Variants in KATNAL1 observed in about 807,000 individuals in gnomAD.
KATNAL1 encodes the protein katanin p60 ATPase-containing subunit A-like 1.
Under a neutral mutation model 55.2 loss-of-function variants are expected in KATNAL1, and 32 were observed. That is an observed-to-expected ratio of 0.58 (90% CI 0.44 to 0.78). The LOEUF (loss-of-function observed/expected upper bound fraction) is 0.78, where lower values mean the gene tolerates loss of function less well. Among genes scored for constraint, KATNAL1 ranks in the 30% least tolerant of loss-of-function variants. KATNAL1 has a pLI of 0.00. For synonymous variants in KATNAL1, 193 were observed against 193.6 expected, an observed-to-expected ratio of 1.00 and a Z score of 0.02; for missense variants, 466 against 600.9, an observed-to-expected ratio of 0.78 and a Z score of 2.35.
chr13:30,285,812 T>C (rs1881742510), intron 1 of KATNAL1, among the ~76,000 whole-genome samples: 1 of 152,214 alleles, frequency 6.6e-6, no homozygotes, highest in Non-Finnish European at 1.5e-5. Flanking sequence ...ATGATAGTGA[T>C]ATGGACAATG....
At chr13:30,222,187 A>G (rs1874940913) in intron 9 of KATNAL1, among the ~76,000 whole-genome samples, 1 of 152,206 alleles carries the variant, frequency 6.6e-6, no homozygotes. Flanking sequence ...CATCTAACCA[A>G]TGGAAGGTCT....
intron 9 of KATNAL1, among the ~76,000 whole-genome samples, chr13:30,213,777 A>C (rs1423918910): frequency 6.6e-6 from 1 of 152,220 alleles, no homozygotes. Flanking sequence ...CGTATCTCAA[A>C]ATAATAAGAG....
At chr13:30,210,212 G>T in intron 10 of KATNAL1, 104 bp downstream of exon 10, 2 of 874,562 alleles carry the variant, frequency 2.3e-6, no homozygotes, top group Non-Finnish European at 3.2e-6. Context: ...ATGGGTAGCT[G>T]CTTTCATGTC....
chr13:30,253,642 G>T (rs997150224), intron 4 of KATNAL1, among the ~76,000 whole-genome samples: 10 of 141,032 alleles, frequency 7.1e-5, no homozygotes, highest in Non-Finnish European at 1.2e-4. Flanking sequence ...TCCAGCCTGG[G>T]CAAGAGCGAG....
chr13:30,280,299 G>T, intron 2 of KATNAL1, 76 bp from the exon 3 acceptor site: 1 of 1,163,946 alleles, frequency 8.6e-7, no homozygotes, highest in Non-Finnish European at 1.2e-6. Flanking sequence ...AATTACTATA[G>T]AGTGCACGTT....
chr13:30,220,790 G>A (rs1229570304), intron 9 of KATNAL1, among the ~76,000 whole-genome samples: 5 of 150,310 alleles, frequency 3.3e-5, no homozygotes, highest in Non-Finnish European at 7.4e-5. Context: ...CCTCCACCTC[G>A]TGGGTTCAAG....
intron 3 of KATNAL1, among the ~76,000 whole-genome samples, chr13:30,262,152 G>A (rs1439454445): frequency 2.0e-5 from 3 of 151,674 alleles, no homozygotes; most frequent in South Asian, 2.1e-4. Flanking sequence ...CAGAAATAAA[G>A]ATGTTCTTTG....
intron 1 of KATNAL1, among the ~76,000 whole-genome samples, chr13:30,293,991 T>C (rs9506282): frequency 0.53 from 81,151 of 152,068 alleles, 22,997 homozygotes; most frequent in African/African-American, 0.73. Context: ...AACCATGCCC[T>C]ATAGCAAGGT....
intron 4 of KATNAL1, among the ~76,000 whole-genome samples, chr13:30,245,262 A>G (rs1877672963): frequency 1.3e-5 from 2 of 152,148 alleles, no homozygotes; most frequent in Admixed American, 1.3e-4. Context: ...ACGCAAATCA[A>G]AAATGTAATC....
chr13:30,267,671 TCC>T (rs1380755299), intron 3 of KATNAL1, among the ~76,000 whole-genome samples: 4 of 152,158 alleles, frequency 2.6e-5, no homozygotes, highest in Non-Finnish European at 5.9e-5. Flanking sequence ...CTGAAAACCT[TCC>T]CACAATAAAA....
At chr13:30,230,965 G>T (rs1876042073) in intron 7 of KATNAL1, among the ~76,000 whole-genome samples, 1 of 152,074 alleles carries the variant, frequency 6.6e-6, no homozygotes, top group Non-Finnish European at 1.5e-5. Context: ...TTTAATGACG[G>T]GTCAGACTCT....
rs963763218 is a variant in KATNAL1, at chr13:30,236,522, T to A, written c.726+3938A>T. ...CATTTTTCACTAACCAAAAAGCCCA[T>A]GACTTTCTGCAGGCATTTGTCCTCA... is the stretch of plus-strand genomic sequence containing the variant. On this transcript the variant is annotated intron_variant, in intron 6 of 10. Transcript: ENST00000380615. Among the ~76,000 whole-genome samples, 3 of 152,328 alleles carry A rather than the reference T, an allele frequency of 2.0e-5. No individual in the cohort carries two copies. The East Asian group carries it at 5.8e-4, about 29-fold the overall frequency.
chr13:30,244,206 T>G (rs1342470221), intron 4 of KATNAL1, among the ~76,000 whole-genome samples: 1 of 152,084 alleles, frequency 6.6e-6, no homozygotes, highest in Non-Finnish European at 1.5e-5. Context: ...CTGTGTTAGT[T>G]TGCTGAGAAT....
chr13:30,292,035 C>T (rs1566133073), intron 1 of KATNAL1, among the ~76,000 whole-genome samples: 1 of 149,038 alleles, frequency 6.7e-6, no homozygotes, highest in African/African-American at 2.5e-5. Context: ...AACTCCATCT[C>T]AAAAAAAAAT....
intron 1 of KATNAL1, among the ~76,000 whole-genome samples, chr13:30,303,290 C>T (rs1208192913): frequency 6.6e-6 from 1 of 152,258 alleles, no homozygotes; most frequent in Non-Finnish European, 1.5e-5. Context: ...CTCTCACAAT[C>T]TATGCCTTGA....
intron 1 of KATNAL1, among the ~76,000 whole-genome samples, chr13:30,297,316 C>A (rs1437395362): frequency 6.6e-6 from 1 of 152,172 alleles, no homozygotes; most frequent in African/African-American, 2.4e-5. Context: ...GATCCCCCCA[C>A]CAATAAAAAG....
At chr13:30,265,707 T>G (rs1443614115) in intron 3 of KATNAL1, among the ~76,000 whole-genome samples, 2 of 151,802 alleles carry the variant, frequency 1.3e-5, no homozygotes, top group Non-Finnish European at 2.9e-5. Context: ...AGAGATTTTT[T>G]TTTTTTTTAA....
intron 3 of KATNAL1, among the ~76,000 whole-genome samples, chr13:30,274,909 A>ACGCG (rs1287247206): frequency 1.3e-4 from 8 of 60,250 alleles, no homozygotes; most frequent in South Asian, 5.7e-4. Context: ...GCGCGCGCGC[A>ACGCG]CACACACACA....
chr13:30,243,379 T>C (rs945404612), intron 4 of KATNAL1, among the ~76,000 whole-genome samples: 4 of 152,132 alleles, frequency 2.6e-5, no homozygotes, highest in African/African-American at 7.2e-5. Flanking sequence ...CATTTTACTA[T>C]GCAACCTCTC....
Sources: allele counts gnomAD v4.1 joint callset (sites outside exome capture counted in the v4.1 genomes callset), GRCh38; gene constraint gnomAD v4.1.1; transcripts MANE v1.5; gene names NCBI Gene and HGNC (gene_info 2026-07-23, HGNC 2026-07-21).